Variants in STOML3 observed in about 807,000 individuals in gnomAD.
The protein encoded by STOML3 is stomatin like 3.
STOML3 carries 31 observed loss-of-function variants against 29.5 expected under a neutral mutation model. That is an observed-to-expected ratio of 1.05 (90% confidence interval 0.79 to 1.42). STOML3 has a LOEUF of 1.42. STOML3 is among the 40% of genes most tolerant of loss of function. STOML3 has a pLI of 0.00. For missense variants in STOML3, 380 were observed against 363.0 expected, an observed-to-expected ratio of 1.05 and a Z score of -0.38; for synonymous variants, 122 against 139.8, an observed-to-expected ratio of 0.87 and a Z score of 0.90.
intron 3 of STOML3, among the ~76,000 whole-genome samples, chr13:38,973,383 G>A (rs1880961466): frequency 6.6e-6 from 1 of 152,146 alleles, no homozygotes; most frequent in Non-Finnish European, 1.5e-5. Context: ...TAAACTGGGT[G>A]GCTTATAAAC....
intron 1 of STOML3, among the ~76,000 whole-genome samples, chr13:38,990,391 C>A (rs1262934381): frequency 6.6e-6 from 1 of 151,892 alleles, no homozygotes; most frequent in East Asian, 1.9e-4. Context: ...GCAATGAATT[C>A]AAAATCCTGA....
At chr13:38,971,761 C>A (rs980426186) in intron 4 of STOML3, among the ~76,000 whole-genome samples, 1 of 152,058 alleles carries the variant, frequency 6.6e-6, no homozygotes, top group African/African-American at 2.4e-5. Flanking sequence ...CCTGTCTCCA[C>A]TAAAAATACA....
At chr13:38,976,656 T>C in intron 2 of STOML3, 38 bp downstream of exon 2, 1 of 1,614,016 alleles carries the variant, frequency 6.2e-7, no homozygotes, top group South Asian at 1.1e-5. Context: ...GGTTTGTCAG[T>C]TCATATAGAT....
At chr13:38,979,392 C>T (rs1881197108) in intron 1 of STOML3, among the ~76,000 whole-genome samples, 1 of 151,988 alleles carries the variant, frequency 6.6e-6, no homozygotes, top group Non-Finnish European at 1.5e-5. Context: ...GAACCATCCT[C>T]TCCTCAGTCC....
intron 1 of STOML3, among the ~76,000 whole-genome samples, chr13:38,987,676 T>C (rs937330106): frequency 7.2e-6 from 1 of 138,606 alleles, no homozygotes; most frequent in Non-Finnish European, 1.5e-5. Flanking sequence ...ATTTTTAATA[T>C]ATATTATATA....
chr13:38,990,817 G>T lies in STOML3; in HGVS notation c.-96C>A. On this transcript the variant is annotated 5_prime_UTR_variant, in exon 1 of 7. Coordinates refer to ENST00000379631, the MANE Select transcript of STOML3 (RefSeq NM_145286.3). ...CAACTCAGATGTGCTTGGGAGAGGG[G>T]AGAGGAGAAAGTATGAGAGAGTGAA... 3 of 1,135,628 alleles carry T rather than the reference G, an allele frequency of 2.6e-6. No individual in the cohort carries two copies. Among genetic ancestry groups the T allele is most frequent in the South Asian group, 2.7e-5 (2 of 73,428 alleles). The allele number at this position is 1,135,628 out of a possible 1,614,324, so 70.3% of individuals were successfully genotyped here. A position where few individuals can be genotyped will look rare whatever the true frequency, so the allele number is the denominator to read the frequency against.
At chr13:38,980,585 C>T (rs1417922536) in intron 1 of STOML3, among the ~76,000 whole-genome samples, 1 of 152,124 alleles carries the variant, frequency 6.6e-6, no homozygotes, top group Non-Finnish European at 1.5e-5. Context: ...TAAGTGATGA[C>T]CACATTTGAT....
chr13:38,975,884 G>C (rs1417628963), intron 3 of STOML3, among the ~76,000 whole-genome samples: 1 of 151,866 alleles, frequency 6.6e-6, no homozygotes, highest in Non-Finnish European at 1.5e-5. Flanking sequence ...TTTTCAAGGT[G>C]GTAAAGAAAG....
chr13:38,967,184 G>T, intron 6 of STOML3, 135 bp from the exon 7 acceptor site: 1 of 763,938 alleles, frequency 1.3e-6, no homozygotes, highest in Non-Finnish European at 2.0e-6. Flanking sequence ...CTTCTTTGGC[G>T]AGGATAAGTT....
chr13:38,968,075 A>G (rs1391033883), intron 6 of STOML3, among the ~76,000 whole-genome samples: 1 of 152,126 alleles, frequency 6.6e-6, no homozygotes, highest in African/African-American at 2.4e-5. Flanking sequence ...GTTTGAAGTA[A>G]GGCTTGGAAA....
intron 3 of STOML3, 44 bp downstream of exon 3, chr13:38,976,496 A>C: frequency 6.2e-7 from 1 of 1,602,194 alleles, no homozygotes; most frequent in Non-Finnish European, 8.5e-7. Context: ...CAGTAGTATT[A>C]GGTGTCCCTG....
intron 1 of STOML3, among the ~76,000 whole-genome samples, chr13:38,986,667 C>T (rs936839272): frequency 6.6e-6 from 1 of 152,128 alleles, no homozygotes; most frequent in East Asian, 1.9e-4. Context: ...TCTTTTCATC[C>T]CCTGTAATTC....
At chr13:38,987,963 TA>T (rs1225972970) in intron 1 of STOML3, among the ~76,000 whole-genome samples, 1 of 73,816 alleles carries the variant, frequency 1.4e-5, no homozygotes, top group East Asian at 4.6e-4. Flanking sequence ...ATATTTTATA[TA>T]ATATATTATA....
chr13:38,971,520 TG>T (rs1417759522), intron 4 of STOML3, among the ~76,000 whole-genome samples: 1 of 152,232 alleles, frequency 6.6e-6, no homozygotes, highest in Non-Finnish European at 1.5e-5. Flanking sequence ...TCCTCTAACC[TG>T]AACCACTTTG....
At chr13:38,971,114 C>A (rs1389572495) in intron 4 of STOML3, among the ~76,000 whole-genome samples, 2 of 152,062 alleles carry the variant, frequency 1.3e-5, no homozygotes. Context: ...CTCACTGCAA[C>A]CTCCGTCTCC....
At chr13:38,988,190 TATATTATATTTCATATAAAATATATG>T (rs1325117565) in intron 1 of STOML3, among the ~76,000 whole-genome samples, 84 of 72,494 alleles carry the variant, frequency 1.2e-3, no homozygotes, top group South Asian at 6.0e-3. Flanking sequence ...TTATATAAAA[TATATTATATTTCATATAAAATATATG>T]ATATTTTATA....
intron 1 of STOML3, among the ~76,000 whole-genome samples, chr13:38,987,182 A>C: frequency 6.6e-6 from 1 of 152,006 alleles, no homozygotes; most frequent in East Asian, 1.9e-4. Context: ...TACCCTTGTG[A>C]GGTCATGAGC....
In STOML3 at chr13:38,990,816, G is replaced by C. The variant is rs995335306; in HGVS notation, c.-95C>G. ...GCAACTCAGATGTGCTTGGGAGAGG[G>C]GAGAGGAGAAAGTATGAGAGAGTGA... On this transcript the variant is annotated 5_prime_UTR_variant, in exon 1 of 7. Coordinates refer to ENST00000379631, the MANE Select transcript of STOML3 (RefSeq NM_145286.3). 3.5e-6 allele frequency: 4 copies of C among 1,142,592 alleles called. No homozygotes were observed. Among genetic ancestry groups the C allele is most frequent in the South Asian group, 1.4e-5 (1 of 73,536 alleles). 70.8% of individuals were successfully genotyped at this position (1,142,592 alleles called of 1,614,324 possible). A position where few individuals can be genotyped will look rare whatever the true frequency, so the allele number is the denominator to read the frequency against.
At chr13:38,974,014 T>C (rs1049091833) in intron 3 of STOML3, among the ~76,000 whole-genome samples, 2 of 152,156 alleles carry the variant, frequency 1.3e-5, no homozygotes, top group African/African-American at 4.8e-5. Context: ...ATCTAATTCA[T>C]GTACAATAGC....
Sources: gnomAD v4.1 joint callset for allele counts (sites outside exome capture counted in the v4.1 genomes callset) on GRCh38, gnomAD v4.1.1 for gene constraint, MANE v1.5 for transcripts, NCBI Gene and HGNC (gene_info 2026-07-23, HGNC 2026-07-21) for gene names.